The following CUBN variants were observed in gnomAD, a reference collection of about 807,000 sequenced individuals.
CUBN encodes 460 kDa receptor.
In CUBN, 282 loss-of-function variants were observed where a neutral mutation model predicts 405.3. The ratio of observed to expected loss-of-function variants is 0.70; its 90% CI spans 0.63 to 0.77. CUBN has a LOEUF of 0.77. Ranked by LOEUF, CUBN falls within the 30% of genes least tolerant of loss-of-function variation. The probability of loss-of-function intolerance (pLI) is 0.00; values close to 1 mark genes in which losing one functional copy is unlikely to be tolerated. For synonymous variants in CUBN, 1,684 were observed against 1,617.0 expected (o/e 1.04, Z -0.99); for missense variants, 4,514 against 4,475.2 (o/e 1.01, Z -0.25).
intron 14 of CUBN, among the ~76,000 whole-genome samples, chr10:17,099,683 T>C (rs977011781): frequency 5.3e-5 from 8 of 151,940 alleles, no homozygotes; most frequent in Admixed American, 1.3e-4. Context: ...ACTCCATCTC[T>C]ATAAAAAACA....
At chr10:17,123,838 T>A in intron 4 of CUBN, 149 bp from the exon 5 acceptor site, 1 of 643,064 alleles carries the variant, frequency 1.6e-6, no homozygotes, top group Non-Finnish European at 2.9e-6. Context: ...CTTCTTCAAA[T>A]CACCTCTCTT....
At chr10:16,879,625 T>C (rs1368512455) in intron 56 of CUBN, among the ~76,000 whole-genome samples, 1 of 152,230 alleles carries the variant, frequency 6.6e-6, no homozygotes, top group Non-Finnish European at 1.5e-5. Context: ...CCCCTGGCCA[T>C]AGACCTTGGT....
In CUBN at chr10:16,901,453, C is replaced by T; in HGVS notation, c.8069G>A (p.Gly2690Asp). 1 of 1,614,002 alleles carries T rather than the reference C, an allele frequency of 6.2e-7. No individual in the cohort carries two copies. The highest frequency in any genetic ancestry group is 8.5e-7 in the Non-Finnish European group (1 of 1,179,986). ...FHAKYSFTDC[G>D]GIQIGDSGVI... ...TCCACTGTCACCTATCTGTATTCCG[C>T]CACAATCTGAAATGAGATTGGTAAC... Residue 2690 changes from glycine (G) to aspartate (D), a missense_variant, in exon 52 of 67, where the codon GGC (glycine) becomes GAC (aspartate). Coordinates refer to ENST00000377833, the MANE Select transcript of CUBN (RefSeq NM_001081.4).
At chr10:17,056,377 G>A (rs1441542868) in intron 22 of CUBN, among the ~76,000 whole-genome samples, 8 of 152,058 alleles carry the variant, frequency 5.3e-5, no homozygotes, top group African/African-American at 1.9e-4. Flanking sequence ...TTGGGAAGAC[G>A]AGGCGGGCGG....
chr10:16,882,350 G>C (rs1485871262), intron 56 of CUBN, among the ~76,000 whole-genome samples: 1 of 152,172 alleles, frequency 6.6e-6, no homozygotes, highest in Non-Finnish European at 1.5e-5. Flanking sequence ...CCTATCATTT[G>C]TTTTTATGAC....
Position 16,890,473 on chromosome 10 carries a change from TCC to T in CUBN, c.8651_8652del (p.Gly2884GlufsTer12). On this transcript the variant is annotated frameshift_variant, in exon 55 of 67. Transcript: ENST00000377833. LOFTEE classifies it high-confidence loss of function. ...VDKALLATGC[G>X]NVAPGPVITP... is the part of the protein sequence containing the mutation. ...GTGATAACGGGACCCGGAGCCACGT[TCC>T]CACAGCCAGTGGCTAGCAGGGCTTT... The T allele has an allele frequency of 6.2e-7, 1 of 1,614,134 alleles. No homozygotes were observed. Among genetic ancestry groups the T allele is most frequent in the Non-Finnish European group, 8.5e-7 (1 of 1,180,008 alleles).
intron 17 of CUBN, among the ~76,000 whole-genome samples, chr10:17,083,516 A>AATAAATAAATACATAC (rs59957943): frequency 2.0e-4 from 28 of 142,722 alleles, no homozygotes; most frequent in East Asian, 1.0e-3. Context: ...AAAATAAATA[A>AATAAATAAATACATAC]ATACATACAT....
At position 16,900,740 on chromosome 10, in the gene CUBN, T is replaced by A; in HGVS notation, c.8295A>T (p.Gly2765=). 1 of 1,614,142 alleles carries A rather than the reference T, an allele frequency of 6.2e-7. No homozygotes were observed. The highest frequency in any genetic ancestry group is 8.5e-7 in the Non-Finnish European group (1 of 1,180,000). Reference sequence around the variant, plus strand: ...ACTGTATTGTCCTGGGGTTTGAATTTCCACAGTATTGTCCTATGATGGGTG... The same window carrying A: ...ACTGTATTGTCCTGGGGTTTGAATTACCACAGTATTGTCCTATGATGGGTG... ...PESPIIGQYC[G]NSNPRTIQSG... Residue 2765 remains glycine (G), a synonymous_variant, in exon 53 of 67, where the codon GGA becomes GGT. Transcript: ENST00000377833.
chr10:16,965,945 A>G (rs1843379884), intron 31 of CUBN: 2 of 471,222 alleles, frequency 4.2e-6, no homozygotes, highest in Non-Finnish European at 8.8e-6. Context: ...TACAAACCCC[A>G]TCTGTCTGAC....
intron 48 of CUBN, among the ~76,000 whole-genome samples, chr10:16,910,053 TC>T (rs1486460148): frequency 6.6e-6 from 1 of 152,114 alleles, no homozygotes; most frequent in East Asian, 1.9e-4. Context: ...TTCTTTTTTT[TC>T]TTTCATCTTT....
In CUBN at chr10:17,043,990, G is replaced by T; in HGVS notation, c.3673-7C>A. On this transcript the variant is annotated splice_polypyrimidine_tract_variant and splice_region_variant and intron_variant, in intron 25 of 66. Transcript: ENST00000377833. ...TACTTGGGCCATCATATACCTTTAA[G>T]AAAATATTTTGAATGTTAGATGGTT... The T allele has an allele frequency of 6.2e-7, 1 of 1,610,680 alleles. No homozygotes were observed.
At chr10:17,111,170 T>C in intron 8 of CUBN, 120 bp from the exon 9 acceptor site, 3 of 1,166,812 alleles carry the variant, frequency 2.6e-6, no homozygotes, top group East Asian at 2.4e-5. Context: ...AAAAATGAGA[T>C]ATGCTTATCA....
chr10:17,095,338 A>C (rs770302699), intron 14 of CUBN, among the ~76,000 whole-genome samples: 23 of 152,084 alleles, frequency 1.5e-4, no homozygotes, highest in Non-Finnish European at 2.9e-4. Flanking sequence ...CATTAGTCTG[A>C]GTAGTGATTT....
rs549221182 is a variant in CUBN, at chr10:17,090,995, G to A, written c.1766-2650C>T. ...ACACACCCAGTACCAATAGCCATCC[G>A]TAGCACCCAGATTGTGAGATCTAAA... On this transcript the variant is annotated intron_variant, in intron 14 of 66. Coordinates refer to ENST00000377833, the MANE Select transcript of CUBN (RefSeq NM_001081.4). Among the ~76,000 whole-genome samples the A allele has an allele frequency of 7.9e-5, 12 of 152,230 alleles. No homozygotes were observed. The South Asian group carries it at 8.3e-4, about 11-fold the overall frequency.
At chr10:17,023,737 G>A (rs1195261991) in intron 27 of CUBN, 2 of 387,154 alleles carry the variant, frequency 5.2e-6, no homozygotes, top group African/African-American at 2.1e-5. Context: ...GTTACAGAAA[G>A]GAAACTAGTA....
At chr10:16,867,922 C>T (rs1840234350) in intron 59 of CUBN, among the ~76,000 whole-genome samples, 2 of 152,084 alleles carry the variant, frequency 1.3e-5, no homozygotes, top group African/African-American at 4.8e-5. Context: ...ACAACAATTA[C>T]CATTTTCTTG....
At chr10:17,100,906 C>T (rs1836479797) in intron 13 of CUBN, among the ~76,000 whole-genome samples, 1 of 152,092 alleles carries the variant, frequency 6.6e-6, no homozygotes, top group Non-Finnish European at 1.5e-5. Flanking sequence ...ACTGAGCATA[C>T]AAGTAGAAGA....
At chr10:16,937,823 A>G (rs1290938225) in intron 38 of CUBN, 39 bp from the exon 39 acceptor site, 1 of 1,549,044 alleles carries the variant, frequency 6.5e-7, no homozygotes, top group South Asian at 1.2e-5. Flanking sequence ...TGTATTATCT[A>G]TATTTTTCTT....
chr10:16,947,401 G>A (rs570860213), intron 35 of CUBN, 34 bp from the exon 36 acceptor site: 48 of 1,611,930 alleles, frequency 3.0e-5, no homozygotes, highest in Non-Finnish European at 3.8e-5. Flanking sequence ...GAGTATCAGA[G>A]CAAAGACTGC....
Sources: allele counts gnomAD v4.1 joint callset (sites outside exome capture counted in the v4.1 genomes callset), GRCh38; gene constraint gnomAD v4.1.1; transcripts MANE v1.5; gene names NCBI Gene and HGNC (gene_info 2026-07-23, HGNC 2026-07-21).